Variants in COLEC10 observed in about 807,000 individuals in gnomAD.
COLEC10 encodes collectin subfamily member 10, also known as collectin-10.
Under a neutral mutation model 28.4 loss-of-function variants are expected in COLEC10, and 22 were observed. The observed-to-expected ratio is 0.78, with a 90% confidence interval of 0.55 to 1.11. The LOEUF is 1.11. COLEC10 is among the 50% of genes least tolerant of loss of function. The probability of loss-of-function intolerance (pLI) is 0.00; values close to 1 mark genes in which losing one functional copy is unlikely to be tolerated. For missense variants in COLEC10, 361 were observed against 344.1 expected, an observed-to-expected ratio of 1.05 and a Z score of -0.39; for synonymous variants, 125 against 116.1, an observed-to-expected ratio of 1.08 and a Z score of -0.49.
chr8:118,996,038 T>C (rs1441264323), intron 1 of COLEC10, among the ~76,000 whole-genome samples: 1 of 152,100 alleles, frequency 6.6e-6, no homozygotes, highest in Non-Finnish European at 1.5e-5. Context: ...AACAGCACCT[T>C]CTCAGTCCCC....
intron 3 of COLEC10, among the ~76,000 whole-genome samples, chr8:119,098,465 T>A (rs1433177374): frequency 6.6e-6 from 1 of 152,090 alleles, no homozygotes; most frequent in Non-Finnish European, 1.5e-5. Flanking sequence ...CTGTACTCAC[T>A]GTCATATCTG....
chr8:119,081,667 C>G (rs888179674), intron 1 of COLEC10, among the ~76,000 whole-genome samples: 2 of 152,062 alleles, frequency 1.3e-5, no homozygotes, highest in African/African-American at 4.8e-5. Context: ...CAGAGAAACT[C>G]CTGGGTTGTA....
At chr8:119,102,144 G>A (rs1815841384) in intron 3 of COLEC10, among the ~76,000 whole-genome samples, 1 of 151,966 alleles carries the variant, frequency 6.6e-6, no homozygotes. Flanking sequence ...AGATATTAGA[G>A]ATACTAGCTG....
the COLEC10 span, among the ~76,000 whole-genome samples, chr8:118,984,844 T>G: frequency 6.6e-6 from 1 of 152,140 alleles, no homozygotes; most frequent in Non-Finnish European, 1.5e-5. Context: ...AGCCTCATAA[T>G]CATGGCGGAA....
chr8:119,003,562 T>C (rs1813737611), intron 1 of COLEC10, among the ~76,000 whole-genome samples: 1 of 151,976 alleles, frequency 6.6e-6, no homozygotes, highest in African/African-American at 2.4e-5. Flanking sequence ...TATGTAAAGT[T>C]GGGTAGTTCA....
intron 2 of COLEC10, among the ~76,000 whole-genome samples, chr8:119,055,985 C>T (rs1047566194): frequency 2.6e-5 from 4 of 152,020 alleles, no homozygotes; most frequent in African/African-American, 4.8e-5. Context: ...ACCAACTCCA[C>T]GTATCCAAGA....
Position 119,102,349 on chromosome 8 carries a change from T to A in COLEC10, c.294T>A (p.Gly98=). The stretch of plus-strand genomic sequence containing the variant: ...TTGGTTGCTATTGTTTTTTTTCAGG[T>A]GACAAAGGGGAAAAAGGTTTGCTTG... ...IGKTGPIGKK[G]DKGEKGLLGI... is the part of the protein sequence containing the mutation. The change falls in exon 4 of 6, where the codon GGT becomes GGA. Residue 98 remains glycine (G), a splice_region_variant and synonymous_variant. Transcript: ENST00000332843. 2 of 1,602,304 alleles carry A rather than the reference T, an allele frequency of 1.2e-6. No individual in the cohort carries two copies. Among genetic ancestry groups the A allele is most frequent in the Non-Finnish European group, 1.7e-6 (2 of 1,172,440 alleles).
intron 2 of COLEC10, among the ~76,000 whole-genome samples, chr8:119,060,559 T>A: frequency 6.6e-6 from 1 of 152,140 alleles, no homozygotes; most frequent in Non-Finnish European, 1.5e-5. Context: ...GAGGTGATAG[T>A]GAGCTACAGA....
At chr8:119,006,612 G>A (rs1039666818) in intron 1 of COLEC10, among the ~76,000 whole-genome samples, 5 of 152,016 alleles carry the variant, frequency 3.3e-5, no homozygotes, top group Non-Finnish European at 7.4e-5. Context: ...TAAATGCCAT[G>A]TTCTTTCTGG....
upstream of COLEC10, among the ~76,000 whole-genome samples, chr8:119,066,891 C>T (rs1814974823): frequency 6.6e-6 from 1 of 152,142 alleles, no homozygotes; most frequent in South Asian, 2.1e-4. Flanking sequence ...TAACATGTTG[C>T]TAACTGAAGA....
Position 119,106,281 on chromosome 8 carries a change from G to C in COLEC10, c.*90G>C. 1 of 1,358,292 alleles carries C rather than the reference G, an allele frequency of 7.4e-7. No individual in the cohort carries two copies. The highest frequency in any genetic ancestry group is 2.3e-5 in the East Asian group (1 of 42,946). The allele number at this position is 1,358,292 out of a possible 1,614,324, so 84.1% of individuals were successfully genotyped here. ...TTTTTTTCCTGATTGTACTACATTT[G>C]ATCTGAGTCAACATAGCTAGAAAAT... On this transcript the variant is annotated 3_prime_UTR_variant, in exon 6 of 6. Transcript: ENST00000332843.
At chr8:119,044,738 C>CT (rs1814558099) in intron 2 of COLEC10, among the ~76,000 whole-genome samples, 1 of 151,664 alleles carries the variant, frequency 6.6e-6, no homozygotes, top group African/African-American at 2.4e-5. Flanking sequence ...GTCTGTAATC[C>CT]TAGCTACTCG....
At chr8:119,012,737 G>T (rs1353958936) in intron 2 of COLEC10, among the ~76,000 whole-genome samples, 1 of 150,094 alleles carries the variant, frequency 6.7e-6, no homozygotes, top group Non-Finnish European at 1.5e-5. Context: ...TTTTATCTAG[G>T]TTATCAAATA....
At chr8:119,020,014 T>C (rs1485009686) in intron 2 of COLEC10, among the ~76,000 whole-genome samples, 5 of 152,218 alleles carry the variant, frequency 3.3e-5, no homozygotes, top group Admixed American at 3.3e-4. Flanking sequence ...GTCCAGATCA[T>C]GCATCGTCTC....
At chr8:118,975,504 A>G in the COLEC10 span, among the ~76,000 whole-genome samples, 3 of 152,038 alleles carry the variant, frequency 2.0e-5, no homozygotes, top group Non-Finnish European at 4.4e-5. Context: ...ATGTGATGAA[A>G]TTCAGTTATT....
the COLEC10 span, among the ~76,000 whole-genome samples, chr8:118,974,060 C>G: frequency 6.6e-6 from 1 of 151,912 alleles, no homozygotes; most frequent in Non-Finnish European, 1.5e-5. Context: ...GTCGGCCTTT[C>G]ATTTAATTCA....
At chr8:119,099,652 C>T (rs567280121) in intron 3 of COLEC10, among the ~76,000 whole-genome samples, 1 of 152,194 alleles carries the variant, frequency 6.6e-6, no homozygotes, top group African/African-American at 2.4e-5. Flanking sequence ...ATACTGAAAA[C>T]TAGTCACAGA....
At chr8:119,036,160 A>G (rs1270285499) in intron 2 of COLEC10, among the ~76,000 whole-genome samples, 1 of 152,234 alleles carries the variant, frequency 6.6e-6, no homozygotes, top group Non-Finnish European at 1.5e-5. Context: ...ATCTCTCCCC[A>G]AGAATATCCA....
chr8:119,070,247 A>G (rs928997952), intron 1 of COLEC10, among the ~76,000 whole-genome samples: 3 of 152,160 alleles, frequency 2.0e-5, no homozygotes, highest in African/African-American at 7.2e-5. Flanking sequence ...TGTGAACTTT[A>G]AGCTGTACAG....
Sources: allele counts gnomAD v4.1 joint callset (sites outside exome capture counted in the v4.1 genomes callset), GRCh38; gene constraint gnomAD v4.1.1; transcripts MANE v1.5; gene names NCBI Gene and HGNC (gene_info 2026-07-23, HGNC 2026-07-21).